ARHGEF10L: variants seen among roughly 807,000 people sequenced by gnomAD.
The protein encoded by ARHGEF10L is Rho guanine nucleotide exchange factor 10 like.
Under a neutral mutation model 141.2 loss-of-function variants are expected in ARHGEF10L, and 69 were observed. That is an observed-to-expected ratio of 0.49 (90% CI 0.40 to 0.60). The LOEUF (loss-of-function observed/expected upper bound fraction) is 0.60, where lower values mean the gene tolerates loss of function less well. Among genes scored for constraint, ARHGEF10L ranks in the 20% least tolerant of loss-of-function variants. ARHGEF10L has a pLI of 0.00. For synonymous variants in ARHGEF10L, 711 were observed against 718.5 expected (o/e 0.99, Z 0.17); for missense variants, 1,482 against 1,734.3 (o/e 0.85, Z 2.58).
intron 1 of ARHGEF10L, among the ~76,000 whole-genome samples, chr1:17,552,703 C>T (rs1039609715): frequency 6.7e-6 from 1 of 149,632 alleles, no homozygotes; most frequent in African/African-American, 2.5e-5. Context: ...GGGTTACAGG[C>T]GTGAGCCACC....
rs753833155 is a variant in ARHGEF10L, at chr1:17,634,867, T to G, written c.1778T>G (p.Leu593Arg). 2.5e-6 allele frequency: 4 copies of G among 1,613,830 alleles called. No individual in the cohort carries two copies. The highest frequency in any genetic ancestry group is 3.4e-6 in the Non-Finnish European group (4 of 1,179,932). ...CTGGAGATCAGCAGCCTGGTGCCCC[T>G]GGGGCCCAAGTATGTGGTGAAGTGG... Reference protein sequence around the residue: ...GQLEISSLVPLGPKYVVKWNT... With the variant: ...GQLEISSLVPRGPKYVVKWNT... The change falls in exon 18 of 29, where the codon CTG becomes CGG. Residue 593 changes from leucine (L) to arginine (R), a missense_variant. Leu to Arg is a moderately radical substitution (Grantham distance 102). This residue lies in a region of ARHGEF10L where 858 missense variants were observed against 966.3 expected (regional missense o/e 0.89). Coordinates refer to ENST00000361221, the MANE Select transcript of ARHGEF10L (RefSeq NM_018125.4).
Position 17,696,832 on chromosome 1 carries a change from G to A in ARHGEF10L, c.3308-16G>A, listed in dbSNP as rs1161567274. 3.6e-5 allele frequency: 55 copies of A among 1,518,694 alleles called. No individual in the cohort carries two copies. Among genetic ancestry groups the A allele is most frequent in the South Asian group, 1.4e-4 (11 of 76,798 alleles). 94.1% of individuals were successfully genotyped at this position (1,518,694 alleles called of 1,614,324 possible). On this transcript the variant is annotated splice_polypyrimidine_tract_variant and intron_variant, in intron 28 of 28. Coordinates refer to ENST00000361221, the MANE Select transcript of ARHGEF10L (RefSeq NM_018125.4). The stretch of plus-strand genomic sequence containing the variant: ...GGGCCTTTGGGCCCCTTTCTCTCTC[G>A]CCCCATTTTCTGCAGGGAAAGGCAT...
At chr1:17,690,718 T>C (rs1289226090) in intron 27 of ARHGEF10L, among the ~76,000 whole-genome samples, 2 of 152,198 alleles carry the variant, frequency 1.3e-5, no homozygotes, top group Admixed American at 1.3e-4. Flanking sequence ...CCTGGGGCCC[T>C]GCCAGACCAG....
At chr1:17,575,708 G>A (rs148322184) in intron 1 of ARHGEF10L, among the ~76,000 whole-genome samples, 1 of 152,352 alleles carries the variant, frequency 6.6e-6, no homozygotes, top group Non-Finnish European at 1.5e-5. Context: ...TGTTTGCGGA[G>A]TGTCTCTGTG....
chr1:17,554,400 G>A (rs1570432301), intron 1 of ARHGEF10L, among the ~76,000 whole-genome samples: 1 of 151,978 alleles, frequency 6.6e-6, no homozygotes, highest in Non-Finnish European at 1.5e-5. Context: ...GGAGCTGAGG[G>A]TCAGACAGCA....
chr1:17,619,521 C>A lies in ARHGEF10L; in HGVS notation c.942+76C>A. The A allele has an allele frequency of 8.3e-7, 1 of 1,199,108 alleles. No individual in the cohort carries two copies. Among genetic ancestry groups the A allele is most frequent in the South Asian group, 1.5e-5 (1 of 68,404 alleles). 74.3% of individuals were successfully genotyped at this position (1,199,108 alleles called of 1,614,324 possible). Reference sequence around the variant, plus strand: ...GGGGGTTCCAGCCTGTTCTCTGGGGCCACGCTTGTCTGGATCTCACAGGGG... The same window carrying A: ...GGGGGTTCCAGCCTGTTCTCTGGGGACACGCTTGTCTGGATCTCACAGGGG... On this transcript the variant is annotated intron_variant, in intron 10 of 28. Transcript: ENST00000361221. The surrounding 1 kb of genome is among the most constrained non-coding windows in gnomAD (Gnocchi z 5.0).
chr1:17,653,550 T>A (rs918731522), intron 22 of ARHGEF10L, among the ~76,000 whole-genome samples: 3 of 152,274 alleles, frequency 2.0e-5, no homozygotes, highest in Admixed American at 2.0e-4. Flanking sequence ...CTCAACTAGA[T>A]GCTGCCACCA....
chr1:17,581,088 G>A (rs904837873), intron 2 of ARHGEF10L, among the ~76,000 whole-genome samples: 5 of 152,006 alleles, frequency 3.3e-5, no homozygotes, highest in African/African-American at 1.2e-4. Flanking sequence ...GCCGAGGCGG[G>A]CAGATCACTT....
At chr1:17,612,426 TCATC>T (rs1419569890) in intron 7 of ARHGEF10L, among the ~76,000 whole-genome samples, 2 of 152,172 alleles carry the variant, frequency 1.3e-5, no homozygotes, top group Non-Finnish European at 2.9e-5. Context: ...ATCCATTTGC[TCATC>T]CATCTATTTA....
rs147218607 is a variant in ARHGEF10L, at chr1:17,697,137, A to T, written c.3597A>T (p.Ala1199=). Residue 1199 remains alanine (A), a synonymous_variant, in exon 29 of 29, where the codon GCA becomes GCT. Coordinates refer to ENST00000361221, the MANE Select transcript of ARHGEF10L (RefSeq NM_018125.4). This position sits in a 1 kb window ranked among gnomAD's most constrained non-coding sequence, Gnocchi z 4.8. The part of the protein sequence containing the change: ...SMREPAPADG[A]ALEHSEEDGS... Reference sequence around the variant, plus strand: ...GGGAGCCGGCGCCTGCTGATGGCGCAGCTTTGGAGCACAGCGAGGAGGACG... The same window carrying T: ...GGGAGCCGGCGCCTGCTGATGGCGCTGCTTTGGAGCACAGCGAGGAGGACG... 4.1e-4 allele frequency: 655 copies of T among 1,611,140 alleles called. No homozygotes were observed. The African/African-American group carries it at 5.9e-3, about 15-fold the overall frequency.
At chr1:17,669,915 G>T in intron 26 of ARHGEF10L, among the ~76,000 whole-genome samples, 1 of 152,242 alleles carries the variant, frequency 6.6e-6, no homozygotes, top group East Asian at 1.9e-4. Context: ...GACAGGGAAA[G>T]CCCAGGGGAG....
chr1:17,595,374 C>T (rs1470101502), intron 4 of ARHGEF10L, among the ~76,000 whole-genome samples: 1 of 152,074 alleles, frequency 6.6e-6, no homozygotes, highest in Non-Finnish European at 1.5e-5. Flanking sequence ...CCCTGGGGCC[C>T]CTGAGATGTC....
At chr1:17,604,344 C>T (rs1232909199) in intron 6 of ARHGEF10L, 1 of 152,058 alleles carries the variant, frequency 6.6e-6, no homozygotes, top group East Asian at 1.9e-4. Context: ...ATCCCACGAC[C>T]CCTTGAGGTC....
chr1:17,572,386 C>T (rs59502902), intron 1 of ARHGEF10L, among the ~76,000 whole-genome samples: 1 of 152,250 alleles, frequency 6.6e-6, no homozygotes, highest in East Asian at 1.9e-4. Context: ...GAGCGTGGTG[C>T]GGGCCCCTTC....
chr1:17,546,673 C>G (rs1000527315), intron 1 of ARHGEF10L, among the ~76,000 whole-genome samples: 7 of 152,108 alleles, frequency 4.6e-5, no homozygotes, highest in Non-Finnish European at 7.4e-5. Flanking sequence ...CACACTTTGC[C>G]TTTCTTAGTT....
the ARHGEF10L span, among the ~76,000 whole-genome samples, chr1:17,530,636 A>G: frequency 6.6e-6 from 1 of 152,076 alleles, no homozygotes; most frequent in African/African-American, 2.4e-5. Context: ...TAGACCTGGG[A>G]TCTGTTGTTT....
rs868270399 is a variant in ARHGEF10L, at chr1:17,552,603, T to C, written c.-44+12653T>C. ...TTTTTTTTTTTTTTTTTTTTTTTTT[T>C]AGTAGATACAGGGTTTCACCATATC... is the stretch of plus-strand genomic sequence containing the variant. On this transcript the variant is annotated intron_variant, in intron 1 of 28. Coordinates refer to ENST00000361221, the MANE Select transcript of ARHGEF10L (RefSeq NM_018125.4). 3.3e-3 allele frequency among the ~76,000 whole-genome samples: 344 copies of C among 103,132 alleles called. 1 individual carries two copies. The highest frequency in any genetic ancestry group is 0.013 in the African/African-American group (325 of 25,018). The allele number at this position is 103,132 out of a possible 152,430, so 67.7% of individuals were successfully genotyped here.
At chr1:17,588,899 T>TGTGTGTGTGTGTGTGG (rs1557758147) in intron 4 of ARHGEF10L, among the ~76,000 whole-genome samples, 2 of 30,046 alleles carry the variant, frequency 6.7e-5, no homozygotes, top group Non-Finnish European at 1.3e-4. Context: ...TGTGTGTGTG[T>TGTGTGTGTGTGTGTGG]AGTGGGGGAG....
intron 4 of ARHGEF10L, among the ~76,000 whole-genome samples, chr1:17,594,379 C>T (rs975942250): frequency 1.9e-4 from 29 of 152,212 alleles, no homozygotes; most frequent in African/African-American, 5.5e-4. Context: ...CCCTCTGGTG[C>T]AACCGTCTCC....
Sources: gnomAD v4.1 joint callset for allele counts (sites outside exome capture counted in the v4.1 genomes callset) on GRCh38, gnomAD v4.1.1 for gene constraint, gnomAD v4.1.1 regional missense constraint, Gnocchi (gnomAD v3.1) non-coding constraint, MANE v1.5 for transcripts, NCBI Gene and HGNC (gene_info 2026-07-23, HGNC 2026-07-21) for gene names.